Variants in SNX29 observed in about 807,000 individuals in gnomAD.
SNX29 encodes the protein sorting nexin-29.
In SNX29, 78 loss-of-function variants were observed where a neutral mutation model predicts 102.1. The ratio of observed to expected loss-of-function variants is 0.76; its 90% confidence interval spans 0.64 to 0.92. The LOEUF is 0.92. Among genes scored for constraint, SNX29 ranks in the 40% least tolerant of loss-of-function variants. The pLI is 0.00. For missense variants in SNX29, 1,280 were observed against 1,061.7 expected (o/e 1.21, Z -2.86); for synonymous variants, 580 against 414.5 (o/e 1.40, Z -4.85).
chr16:12,572,128 C>G lies in SNX29; in HGVS notation c.*3499C>G. The G allele has an allele frequency of 9.8e-7, 1 of 1,025,122 alleles. No homozygotes were observed. The allele number at this position is 1,025,122 out of a possible 1,614,324, so 63.5% of individuals were successfully genotyped here. A position where few individuals can be genotyped will look rare whatever the true frequency, so the allele number is the denominator to read the frequency against. ...GGTCTGATCACAGCCCTTGGCCCTG[C>G]TTCATACTTTGGAGCTTATTAAGAT... On this transcript the variant is annotated 3_prime_UTR_variant, in exon 21 of 21. Transcript: ENST00000566228.
At chr16:12,044,429 T>C (rs1372712381) in intron 5 of SNX29, among the ~76,000 whole-genome samples, 1 of 152,164 alleles carries the variant, frequency 6.6e-6, no homozygotes, top group African/African-American at 2.4e-5. Flanking sequence ...ATGGCAAGAC[T>C]CTATGGGTCC....
chr16:12,378,742 G>C (rs2082968811), intron 16 of SNX29, among the ~76,000 whole-genome samples: 1 of 152,168 alleles, frequency 6.6e-6, no homozygotes, highest in Non-Finnish European at 1.5e-5. Context: ...CCAGAGACCT[G>C]GGATATCATG....
intron 15 of SNX29, among the ~76,000 whole-genome samples, chr16:12,286,064 A>T (rs747221757): frequency 6.6e-6 from 1 of 151,924 alleles, no homozygotes; most frequent in African/African-American, 2.4e-5. Flanking sequence ...GCTAGTCTCA[A>T]ACTCCTGACC....
At chr16:12,553,295 A>T (rs1019606573) in intron 20 of SNX29, among the ~76,000 whole-genome samples, 5 of 152,204 alleles carry the variant, frequency 3.3e-5, no homozygotes, top group Non-Finnish European at 2.9e-5. Flanking sequence ...GAGGAAAATG[A>T]GTGGGCACCT....
At chr16:12,074,396 C>T (rs2151319872) in intron 10 of SNX29, among the ~76,000 whole-genome samples, 2 of 152,010 alleles carry the variant, frequency 1.3e-5, no homozygotes, top group Middle Eastern at 6.8e-3. Flanking sequence ...ATTTGCTTGT[C>T]TGTAAAGTAT....
chr16:12,320,145 C>T lies in SNX29; in HGVS notation c.1783-36018C>T, dbSNP rs115684238. ...ATCACTACTGTGCTAAGACATAGTA[C>T]GCTTGAGAGACAGAGTAAAGGGCCG... is the stretch of plus-strand genomic sequence containing the variant. On this transcript the variant is annotated intron_variant, in intron 15 of 20. Transcript: ENST00000566228. Among the ~76,000 whole-genome samples the T allele has an allele frequency of 7.9e-3, 1,204 of 152,210 alleles. 19 individuals are homozygous for T. The highest frequency in any genetic ancestry group is 0.027 in the African/African-American group (1,105 of 41,530).
At chr16:12,568,182 A>G (rs1471222484) in intron 20 of SNX29, among the ~76,000 whole-genome samples, 2 of 152,068 alleles carry the variant, frequency 1.3e-5, no homozygotes, top group Non-Finnish European at 2.9e-5. Flanking sequence ...ATCAAGGAAA[A>G]TGTGGGGAAG....
chr16:12,364,771 C>G (rs967904329), intron 16 of SNX29, among the ~76,000 whole-genome samples: 17 of 152,178 alleles, frequency 1.1e-4, no homozygotes, highest in African/African-American at 4.1e-4. Context: ...TGTCCCGTTT[C>G]TGATCACCTC....
rs139475821 is a variant in SNX29 at position 12,485,390 on chromosome 16, G to T, written c.2178+7531G>T. ...ATTCCTTCTTAGGATAATAGATTCC[G>T]TCTCCAAAAGTTCATTTGGCATTAA... On this transcript the variant is annotated intron_variant, in intron 19 of 20. Coordinates refer to ENST00000566228, the MANE Select transcript of SNX29 (RefSeq NM_032167.5). Among the ~76,000 whole-genome samples the T allele has an allele frequency of 1.2e-4, 18 of 152,300 alleles. No homozygotes were observed. In the East Asian group the frequency reaches 3.1e-3, roughly 26 times the overall value.
chr16:12,566,059 C>A (rs984165504), intron 20 of SNX29, among the ~76,000 whole-genome samples: 2 of 152,228 alleles, frequency 1.3e-5, no homozygotes, highest in African/African-American at 4.8e-5. Flanking sequence ...CACTGTTGCC[C>A]ATTGTCTCTC....
At chr16:12,347,932 A>G (rs917881153) in intron 15 of SNX29, among the ~76,000 whole-genome samples, 35 of 145,802 alleles carry the variant, frequency 2.4e-4, no homozygotes, top group East Asian at 2.0e-4. Flanking sequence ...AAAAAAAAAT[A>G]GGTGAGCATG....
chr16:12,568,429 C>A (rs1212984110), intron 20 of SNX29, 77 bp from the exon 21 acceptor site: 2 of 1,576,288 alleles, frequency 1.3e-6, no homozygotes, highest in Admixed American at 1.7e-5. Context: ...TGCCCTCACA[C>A]CTGGCTCCCC....
chr16:12,168,878 C>G (rs1001950635), intron 13 of SNX29, among the ~76,000 whole-genome samples: 4 of 152,186 alleles, frequency 2.6e-5, no homozygotes, highest in Non-Finnish European at 5.9e-5. Context: ...CCGGTTTCTT[C>G]TTGCCCCAGA....
chr16:12,489,685 C>T (rs1322906611), intron 19 of SNX29, among the ~76,000 whole-genome samples: 1 of 152,216 alleles, frequency 6.6e-6, no homozygotes, highest in African/African-American at 2.4e-5. Flanking sequence ...AGGAAGCACT[C>T]ATTTGATTTC....
chr16:12,209,208 G>A (rs2077121311), intron 14 of SNX29, among the ~76,000 whole-genome samples: 1 of 152,170 alleles, frequency 6.6e-6, no homozygotes, highest in Non-Finnish European at 1.5e-5. Context: ...CTAACTCTGT[G>A]ACGGTTTGGA....
intron 13 of SNX29, among the ~76,000 whole-genome samples, chr16:12,141,262 A>C (rs537993907): frequency 1.3e-5 from 2 of 152,192 alleles, no homozygotes; most frequent in Non-Finnish European, 2.9e-5. Context: ...GGACGATTGA[A>C]GTGTTGCAGG....
chr16:12,092,388 G>A (rs1194587089), intron 11 of SNX29, among the ~76,000 whole-genome samples: 1 of 152,216 alleles, frequency 6.6e-6, no homozygotes, highest in Non-Finnish European at 1.5e-5. Flanking sequence ...TTGAAACCGA[G>A]TTCCCAGAGG....
chr16:12,547,351 C>G (rs2077670964), intron 20 of SNX29, among the ~76,000 whole-genome samples: 1 of 152,182 alleles, frequency 6.6e-6, no homozygotes, highest in Non-Finnish European at 1.5e-5. Flanking sequence ...GGAACTCTAG[C>G]TGCCATGTGG....
intron 15 of SNX29, among the ~76,000 whole-genome samples, chr16:12,317,495 C>A (rs970390158): frequency 1.3e-5 from 2 of 152,134 alleles, no homozygotes; most frequent in African/African-American, 2.4e-5. Context: ...GGTGGCCCTT[C>A]CTGTGCCTTT....
Sources: allele counts gnomAD v4.1 joint callset (sites outside exome capture counted in the v4.1 genomes callset), GRCh38; gene constraint gnomAD v4.1.1; transcripts MANE v1.5; gene names NCBI Gene and HGNC (gene_info 2026-07-23, HGNC 2026-07-21).